PRKN: variants seen among roughly 807,000 people sequenced by gnomAD.
The protein encoded by PRKN is E3 ubiquitin-protein ligase parkin.
PRKN carries 56 observed loss-of-function variants against 59.5 expected under a neutral mutation model. The ratio of observed to expected loss-of-function variants is 0.94; its 90% CI spans 0.76 to 1.18. The LOEUF is 1.18. Ranked by LOEUF, PRKN falls within the 50% of genes most tolerant of loss-of-function variation. PRKN has a pLI of 0.00. For missense variants in PRKN, 657 were observed against 596.4 expected (o/e 1.10, Z -1.06); for synonymous variants, 250 against 222.1 (o/e 1.13, Z -1.12).
intron 6 of PRKN, among the ~76,000 whole-genome samples, chr6:161,794,137 AAATT>A (rs1342679418): frequency 6.6e-6 from 1 of 152,070 alleles, no homozygotes; most frequent in Non-Finnish European, 1.5e-5. Flanking sequence ...GTTCCCTATC[AAATT>A]AATTATGTTC....
intron 1 of PRKN, among the ~76,000 whole-genome samples, chr6:162,663,115 C>A (rs1778957294): frequency 6.6e-6 from 1 of 152,180 alleles, no homozygotes; most frequent in African/African-American, 2.4e-5. Context: ...GCACAACCCA[C>A]CAGCCGATGG....
At chr6:161,598,350 T>C (rs1781989662) in intron 7 of PRKN, among the ~76,000 whole-genome samples, 3 of 152,186 alleles carry the variant, frequency 2.0e-5, no homozygotes. Context: ...TTCAATTGTA[T>C]GATAGCATGG....
At chr6:162,701,866 C>CAT (rs1435671219) in intron 1 of PRKN, among the ~76,000 whole-genome samples, 4 of 91,356 alleles carry the variant, frequency 4.4e-5, no homozygotes, top group East Asian at 3.6e-4. Context: ...TACATACATA[C>CAT]ACACACACAC....
At chr6:161,439,996 G>T (rs927294389) in intron 9 of PRKN, among the ~76,000 whole-genome samples, 1 of 151,252 alleles carries the variant, frequency 6.6e-6, no homozygotes, top group African/African-American at 2.4e-5. Flanking sequence ...TGCCGCCCAG[G>T]CTGGAGTGCA....
intron 7 of PRKN, among the ~76,000 whole-genome samples, chr6:161,649,333 C>T (rs1207044803): frequency 6.6e-6 from 1 of 152,158 alleles, no homozygotes; most frequent in African/African-American, 2.4e-5. Context: ...CAGGGCCATT[C>T]AACTCATTAT....
At chr6:162,235,966 A>AAGG (rs1778665458) in intron 3 of PRKN, among the ~76,000 whole-genome samples, 1 of 73,378 alleles carries the variant, frequency 1.4e-5, no homozygotes. Context: ...AGGAAGAAAG[A>AAGG]AAGAAAGAAA....
Position 162,594,086 on chromosome 6 carries a change from GTTGCGGTCAGCAGAGA to G in PRKN, c.7+133560_7+133575del, listed in dbSNP as rs542090709. 2.4e-3 allele frequency among the ~76,000 whole-genome samples: 365 copies of G among 152,232 alleles called. 1 individual carries two copies. Among genetic ancestry groups the G allele is most frequent in the African/African-American group, 7.3e-3 (304 of 41,558 alleles). ...AATCACTTGAACCTAGGAGGTGGAA[GTTGCGGTCAGCAGAGA>G]TTGTACCACTGCACTCCAGCCTGGG... On this transcript the variant is annotated intron_variant, in intron 1 of 11. Transcript: ENST00000366898.
intron 1 of PRKN, among the ~76,000 whole-genome samples, chr6:162,565,967 A>G (rs1780059577): frequency 6.6e-6 from 1 of 152,132 alleles, no homozygotes; most frequent in Non-Finnish European, 1.5e-5. Flanking sequence ...TCAAGACAAA[A>G]ACTATAAGAA....
intron 6 of PRKN, among the ~76,000 whole-genome samples, chr6:161,889,487 C>A (rs941417850): frequency 6.6e-6 from 1 of 152,162 alleles, no homozygotes; most frequent in Non-Finnish European, 1.5e-5. Context: ...AAGGGAGCGC[C>A]TTAAAGGTTA....
intron 4 of PRKN, among the ~76,000 whole-genome samples, chr6:162,166,485 C>T (rs1484067692): frequency 6.6e-6 from 1 of 152,114 alleles, no homozygotes; most frequent in African/African-American, 2.4e-5. Flanking sequence ...TATATCTTTG[C>T]CACAACTCAT....
intron 8 of PRKN, among the ~76,000 whole-genome samples, chr6:161,556,146 A>G (rs1159711652): frequency 5.3e-5 from 8 of 152,242 alleles, no homozygotes; most frequent in Non-Finnish European, 1.2e-4. Flanking sequence ...TTTAAAAATT[A>G]TGTCCCCCTT....
rs1042184845 is a variant in PRKN, at chr6:161,604,724, C to T, written c.872-35308G>A. Among the ~76,000 whole-genome samples the T allele has an allele frequency of 2.0e-5, 3 of 152,140 alleles. No individual in the cohort carries two copies. In the South Asian group the frequency reaches 6.2e-4, roughly 31 times the overall value. On this transcript the variant is annotated intron_variant, in intron 7 of 11. Transcript: ENST00000366898. ...CCAAGGTGGGCGGATCACTTGAGAA[C>T]AGGAGTTCGAGACCAGCCTTGCTAA...
At chr6:162,243,575 G>T (rs1019462163) in intron 3 of PRKN, among the ~76,000 whole-genome samples, 9 of 152,116 alleles carry the variant, frequency 5.9e-5, no homozygotes, top group African/African-American at 2.2e-4. Context: ...GAGGTTTCTA[G>T]TACATAGTAC....
chr6:162,294,550 C>A (rs1419226315), intron 2 of PRKN, among the ~76,000 whole-genome samples: 1 of 152,072 alleles, frequency 6.6e-6, no homozygotes, highest in Non-Finnish European at 1.5e-5. Flanking sequence ...CTGAGTAAAA[C>A]AAAAATCACA....
chr6:162,180,208 C>G (rs953799923), intron 4 of PRKN, among the ~76,000 whole-genome samples: 1 of 152,032 alleles, frequency 6.6e-6, no homozygotes, highest in African/African-American at 2.4e-5. Flanking sequence ...GCCTGTTTTC[C>G]CCAACTAAAC....
intron 1 of PRKN, among the ~76,000 whole-genome samples, chr6:162,559,105 C>T (rs920649431): frequency 4.8e-5 from 7 of 145,128 alleles, no homozygotes; most frequent in African/African-American, 7.8e-5. Context: ...GAGCCAAGAT[C>T]GTGCCACTGC....
intron 6 of PRKN, among the ~76,000 whole-genome samples, chr6:161,954,467 G>A (rs1780100085): frequency 6.6e-6 from 1 of 152,164 alleles, no homozygotes; most frequent in Non-Finnish European, 1.5e-5. Context: ...CTTGCTTTCT[G>A]TGGGAATAAT....
chr6:162,058,852 T>C (rs911970623), intron 4 of PRKN, among the ~76,000 whole-genome samples: 1 of 150,044 alleles, frequency 6.7e-6, no homozygotes, highest in African/African-American at 2.5e-5. Flanking sequence ...CTTGGGAGGC[T>C]GAGGGAGGAG....
intron 7 of PRKN, among the ~76,000 whole-genome samples, chr6:161,761,154 T>C (rs2128198544): frequency 6.6e-6 from 1 of 152,352 alleles, no homozygotes; most frequent in Admixed American, 6.5e-5. Flanking sequence ...TGAACCATTG[T>C]GTTGCAACAA....
Sources: gnomAD v4.1 joint callset for allele counts (sites outside exome capture counted in the v4.1 genomes callset) on GRCh38, gnomAD v4.1.1 for gene constraint, MANE v1.5 for transcripts, NCBI Gene and HGNC (gene_info 2026-07-23, HGNC 2026-07-21) for gene names.